The following IGF1R variants were observed in gnomAD, a reference collection of about 807,000 sequenced individuals.
IGF1R encodes the protein insulin-like growth factor 1 receptor.
In IGF1R, 44 loss-of-function variants were observed where a neutral mutation model predicts 144.6. The observed-to-expected ratio is 0.30, with a 90% CI of 0.24 to 0.39. IGF1R has a LOEUF of 0.39. Ranked by LOEUF, IGF1R falls within the 10% of genes least tolerant of loss-of-function variation. The pLI is 1.00. For synonymous variants in IGF1R, 795 were observed against 722.8 expected, an observed-to-expected ratio of 1.10 and a Z score of -1.60; for missense variants, 1,355 against 1,833.7, an observed-to-expected ratio of 0.74 and a Z score of 4.77.
At chr15:98,708,968 A>G (rs2053931177) in intron 2 of IGF1R, among the ~76,000 whole-genome samples, 1 of 152,214 alleles carries the variant, frequency 6.6e-6, no homozygotes, top group African/African-American at 2.4e-5. Flanking sequence ...TCTTGCCTTC[A>G]TGTGATCAGT....
At chr15:98,747,904 T>A (rs1405614595) in intron 2 of IGF1R, among the ~76,000 whole-genome samples, 2 of 152,192 alleles carry the variant, frequency 1.3e-5, no homozygotes, top group Non-Finnish European at 2.9e-5. Context: ...AGCATTAGTA[T>A]AAGTAGCCAA....
intron 1 of IGF1R, among the ~76,000 whole-genome samples, chr15:98,681,121 C>G (rs2053178630): frequency 6.6e-6 from 1 of 152,140 alleles, no homozygotes; most frequent in African/African-American, 2.4e-5. Flanking sequence ...CTGTGCATTT[C>G]TTAGAATGCA....
chr15:98,807,421 G>T (rs2056494632), intron 2 of IGF1R, among the ~76,000 whole-genome samples: 1 of 152,194 alleles, frequency 6.6e-6, no homozygotes, highest in African/African-American at 2.4e-5. Context: ...GCAACATTAT[G>T]CAATAAATGC....
chr15:98,764,364 T>C (rs899922711), intron 2 of IGF1R, among the ~76,000 whole-genome samples: 5 of 152,212 alleles, frequency 3.3e-5, no homozygotes, highest in African/African-American at 1.2e-4. Flanking sequence ...ACTAGTTTTA[T>C]CACAAGACAA....
chr15:98,936,445 G>A (rs1341468032), intron 17 of IGF1R, among the ~76,000 whole-genome samples: 1 of 152,092 alleles, frequency 6.6e-6, no homozygotes, highest in African/African-American at 2.4e-5. Context: ...GAGACATAAA[G>A]CCAGCAAGAA....
chr15:98,844,670 T>C (rs1370888689), intron 2 of IGF1R, among the ~76,000 whole-genome samples: 5 of 152,174 alleles, frequency 3.3e-5, no homozygotes, highest in Admixed American at 6.5e-5. Flanking sequence ...TTTATAATTA[T>C]TACAATTTGA....
intron 2 of IGF1R, among the ~76,000 whole-genome samples, chr15:98,834,410 G>C (rs1448254804): frequency 6.6e-6 from 1 of 152,190 alleles, no homozygotes; most frequent in African/African-American, 2.4e-5. Context: ...AATATCATCA[G>C]AGCTTTCCGT....
chr15:98,909,142 G>A (rs1397808955), intron 6 of IGF1R, among the ~76,000 whole-genome samples: 2 of 152,070 alleles, frequency 1.3e-5, no homozygotes, highest in Non-Finnish European at 2.9e-5. Flanking sequence ...ACACTTATAA[G>A]TAGGTTCTCA....
intron 2 of IGF1R, among the ~76,000 whole-genome samples, chr15:98,818,256 C>T (rs1049363029): frequency 2.0e-5 from 3 of 151,874 alleles, no homozygotes; most frequent in Admixed American, 1.3e-4. Context: ...TTCATAGCGT[C>T]GAGTTATAAG....
chr15:98,825,587 C>A (rs1046656679), intron 2 of IGF1R, among the ~76,000 whole-genome samples: 12 of 152,154 alleles, frequency 7.9e-5, no homozygotes, highest in African/African-American at 2.9e-4. Context: ...TCAGTAATGC[C>A]TGATGATCTG....
chr15:98,664,757 A>G (rs1227413013), intron 1 of IGF1R, among the ~76,000 whole-genome samples: 2 of 151,854 alleles, frequency 1.3e-5, no homozygotes, highest in Non-Finnish European at 2.9e-5. Context: ...GAGTGAATAC[A>G]TACACATTTC....
chr15:98,683,971 G>C (rs2053257279), intron 1 of IGF1R, among the ~76,000 whole-genome samples: 1 of 152,106 alleles, frequency 6.6e-6, no homozygotes, highest in Non-Finnish European at 1.5e-5. Context: ...TCCTCCTGGA[G>C]GCTTAGTAGG....
chr15:98,723,760 T>C (rs2054296575), intron 2 of IGF1R, among the ~76,000 whole-genome samples: 1 of 152,244 alleles, frequency 6.6e-6, no homozygotes, highest in Non-Finnish European at 1.5e-5. Context: ...CATTAAACTC[T>C]TGTGAGAAGC....
intron 5 of IGF1R, 104 bp downstream of exon 5, chr15:98,899,725 G>T (rs1309254745): frequency 8.5e-7 from 1 of 1,179,532 alleles, no homozygotes; most frequent in African/African-American, 1.5e-5. Context: ...TTGTTAAAGA[G>T]AAGAAAGGAG....
intron 1 of IGF1R, among the ~76,000 whole-genome samples, chr15:98,662,084 A>G (rs2052614937): frequency 6.7e-6 from 1 of 149,378 alleles, no homozygotes; most frequent in Non-Finnish European, 1.5e-5. Flanking sequence ...GGTTCAAACA[A>G]TTCTTGTGGA....
At chr15:98,867,638 C>T (rs1176144044) in intron 2 of IGF1R, among the ~76,000 whole-genome samples, 2 of 152,106 alleles carry the variant, frequency 1.3e-5, no homozygotes, top group Non-Finnish European at 2.9e-5. Flanking sequence ...TGACTGTGTG[C>T]CTTGTGTATG....
intron 2 of IGF1R, among the ~76,000 whole-genome samples, chr15:98,734,226 T>C (rs190675764): frequency 6.6e-6 from 1 of 152,324 alleles, no homozygotes; most frequent in Admixed American, 6.5e-5. Flanking sequence ...TAATACCAGG[T>C]ATTCTCGTTT....
At position 98,820,659 on chromosome 15, in the gene IGF1R, A is replaced by G. The variant is rs1039139673; in HGVS notation, c.641-70666A>G. On this transcript the variant is annotated intron_variant, in intron 2 of 20. Transcript: ENST00000650285. ...ACAGCCTTATAAGGCCTAGGTGTCA[A>G]TTTTTTACGCTTGCAGATCTTTTAC... Among the ~76,000 whole-genome samples the G allele has an allele frequency of 1.6e-3, 240 of 152,284 alleles. 2 individuals are homozygous for G. Among genetic ancestry groups the G allele is most frequent in the African/African-American group, 5.4e-3 (224 of 41,562 alleles).
At chr15:98,693,338 G>A (rs1024820358) in intron 1 of IGF1R, among the ~76,000 whole-genome samples, 1 of 152,146 alleles carries the variant, frequency 6.6e-6, no homozygotes, top group Non-Finnish European at 1.5e-5. Context: ...CCTGTTGTGG[G>A]GATTTGAGAC....
Sources: allele counts gnomAD v4.1 joint callset (sites outside exome capture counted in the v4.1 genomes callset), GRCh38; gene constraint gnomAD v4.1.1; transcripts MANE v1.5; gene names NCBI Gene and HGNC (gene_info 2026-07-23, HGNC 2026-07-21).